Variants in KCNMA1 observed in about 807,000 individuals in gnomAD.
KCNMA1 encodes Calcium-activated potassium channel subunit alpha-1.
KCNMA1 carries 29 observed loss-of-function variants against 140.0 expected under a neutral mutation model. The ratio of observed to expected loss-of-function variants is 0.21; its 90% CI spans 0.15 to 0.28. The LOEUF (loss-of-function observed/expected upper bound fraction) is 0.28. Among genes scored for constraint, KCNMA1 ranks in the 10% least tolerant of loss-of-function variants. KCNMA1 has a pLI of 1.00. For synonymous variants in KCNMA1, 612 were observed against 611.9 expected, an observed-to-expected ratio of 1.00 and a Z score of 0.00; for missense variants, 880 against 1,602.2, an observed-to-expected ratio of 0.55 and a Z score of 7.70.
At chr10:76,902,418 T>C (rs989845766) in intron 25 of KCNMA1, 2 of 152,256 alleles carry the variant, frequency 1.3e-5, no homozygotes, top group African/African-American at 2.4e-5. Flanking sequence ...TGGGAAGCTC[T>C]TGTATAGAAC....
At chr10:77,461,123 A>G (rs1384929312) in intron 1 of KCNMA1, among the ~76,000 whole-genome samples, 1 of 151,812 alleles carries the variant, frequency 6.6e-6, no homozygotes, top group Admixed American at 6.6e-5. Flanking sequence ...AAAAAAAATT[A>G]CCTATTGGAT....
At chr10:77,571,936 A>C (rs2071516698) in intron 1 of KCNMA1, among the ~76,000 whole-genome samples, 1 of 152,216 alleles carries the variant, frequency 6.6e-6, no homozygotes, top group South Asian at 2.1e-4. Flanking sequence ...TAGGAAAAGG[A>C]AAGCAGCAGC....
intron 1 of KCNMA1, among the ~76,000 whole-genome samples, chr10:77,514,797 T>A (rs903129394): frequency 2.0e-5 from 3 of 152,248 alleles, no homozygotes; most frequent in African/African-American, 7.2e-5. Context: ...GTGGGCGCTC[T>A]GTGCTCAGCC....
At chr10:77,481,524 C>T (rs994753635) in intron 1 of KCNMA1, among the ~76,000 whole-genome samples, 2 of 151,780 alleles carry the variant, frequency 1.3e-5, no homozygotes, top group Non-Finnish European at 2.9e-5. Flanking sequence ...CCTATAATCC[C>T]AGCACTTTGG....
At chr10:76,929,813 G>C (rs530631061) in intron 23 of KCNMA1, among the ~76,000 whole-genome samples, 1 of 152,192 alleles carries the variant, frequency 6.6e-6, no homozygotes, top group Non-Finnish European at 1.5e-5. Context: ...CAGTGGGCTA[G>C]TTCAGAATTA....
intron 2 of KCNMA1, among the ~76,000 whole-genome samples, chr10:77,359,281 GGAA>G (rs2093749835): frequency 6.6e-6 from 1 of 152,198 alleles, no homozygotes; most frequent in Non-Finnish European, 1.5e-5. Flanking sequence ...TTGTCCGCCA[GGAA>G]GAAGAAACGA....
At chr10:77,083,623 C>T (rs1039373024) in intron 12 of KCNMA1, among the ~76,000 whole-genome samples, 5 of 150,946 alleles carry the variant, frequency 3.3e-5, no homozygotes, top group African/African-American at 7.3e-5. Context: ...GTTAGGAGTT[C>T]GTTGAGATCA....
chr10:77,488,320 G>C (rs1255275125), intron 1 of KCNMA1, among the ~76,000 whole-genome samples: 1 of 152,192 alleles, frequency 6.6e-6, no homozygotes, highest in East Asian at 1.9e-4. Context: ...ATGGCATCCT[G>C]ACACCTGGGA....
chr10:77,247,404 T>C (rs1277160710), intron 3 of KCNMA1, among the ~76,000 whole-genome samples: 2 of 152,148 alleles, frequency 1.3e-5, no homozygotes, highest in Non-Finnish European at 2.9e-5. Context: ...TAGATAAGAA[T>C]TGCTGTTCTT....
chr10:76,912,686 A>G (rs2050859312), intron 24 of KCNMA1: 1 of 152,182 alleles, frequency 6.6e-6, no homozygotes, highest in Non-Finnish European at 1.5e-5. Context: ...TTTCTCGTCT[A>G]CTAATGACAA....
intron 2 of KCNMA1, among the ~76,000 whole-genome samples, chr10:77,395,331 T>C (rs1162120426): frequency 2.6e-5 from 4 of 151,918 alleles, no homozygotes; most frequent in African/African-American, 7.3e-5. Context: ...GCCTGAGCAA[T>C]AGAGTGAAAC....
intron 14 of KCNMA1, among the ~76,000 whole-genome samples, chr10:77,069,025 T>G (rs1235758648): frequency 6.6e-6 from 1 of 151,784 alleles, no homozygotes; most frequent in African/African-American, 2.4e-5. Context: ...ATAGTAAGAC[T>G]CAAAAACAAA....
chr10:77,481,419 T>C (rs1347262454), intron 1 of KCNMA1, among the ~76,000 whole-genome samples: 1 of 152,146 alleles, frequency 6.6e-6, no homozygotes, highest in East Asian at 1.9e-4. Context: ...AAGGAAATGC[T>C]CAATTCAATC....
intron 22 of KCNMA1, among the ~76,000 whole-genome samples, chr10:76,948,439 T>C (rs2152933598): frequency 6.6e-6 from 1 of 152,334 alleles, no homozygotes; most frequent in South Asian, 2.1e-4. Flanking sequence ...TTTTGAGAGT[T>C]TGTGGACTAT....
intron 1 of KCNMA1, among the ~76,000 whole-genome samples, chr10:77,554,449 T>C (rs1023248124): frequency 1.4e-5 from 2 of 144,498 alleles, no homozygotes; most frequent in Admixed American, 6.8e-5. Context: ...ATACAAAAAT[T>C]AGCTGAGCGT....
intron 2 of KCNMA1, among the ~76,000 whole-genome samples, chr10:77,396,036 A>C (rs1347645381): frequency 1.3e-5 from 2 of 152,188 alleles, no homozygotes; most frequent in Non-Finnish European, 2.9e-5. Flanking sequence ...TATGCATGGG[A>C]TGAAATACAG....
chr10:76,980,714 C>T (rs1326017929), intron 19 of KCNMA1: 1 of 152,112 alleles, frequency 6.6e-6, no homozygotes, highest in East Asian at 1.9e-4. Flanking sequence ...CCTACTGTAC[C>T]CCCATATATA....
chr10:76,873,272 A>C (rs1253709080), downstream of KCNMA1: 1 of 152,236 alleles, frequency 6.6e-6, no homozygotes, highest in Non-Finnish European at 1.5e-5. Flanking sequence ...GGAAACAAAC[A>C]ATCAGAAGAG....
intron 1 of KCNMA1, among the ~76,000 whole-genome samples, chr10:77,558,319 A>C (rs960094363): frequency 6.6e-6 from 1 of 152,188 alleles, no homozygotes; most frequent in African/African-American, 2.4e-5. Flanking sequence ...TTCCACAGGC[A>C]GGGATGTGCC....
Sources: gnomAD v4.1 joint callset for allele counts (sites outside exome capture counted in the v4.1 genomes callset) on GRCh38, gnomAD v4.1.1 for gene constraint, MANE v1.5 for transcripts, NCBI Gene and HGNC (gene_info 2026-07-23, HGNC 2026-07-21) for gene names.